Variants in SEMA7A observed in about 807,000 individuals in gnomAD.
SEMA7A encodes the protein semaphorin-7A.
Under a neutral mutation model 67.5 loss-of-function variants are expected in SEMA7A, and 21 were observed. The ratio of observed to expected loss-of-function variants is 0.31; its 90% CI spans 0.22 to 0.45. SEMA7A has a LOEUF of 0.45. Ranked by LOEUF, SEMA7A falls within the 20% of genes least tolerant of loss-of-function variation. The pLI is 1.00. For missense variants in SEMA7A, 774 were observed against 908.6 expected, an observed-to-expected ratio of 0.85 and a Z score of 1.90; for synonymous variants, 364 against 368.5, an observed-to-expected ratio of 0.99 and a Z score of 0.14.
At chr15:74,433,084 G>C (rs1420733996) in intron 1 of SEMA7A, among the ~76,000 whole-genome samples, 3 of 152,166 alleles carry the variant, frequency 2.0e-5, no homozygotes, top group Non-Finnish European at 2.9e-5. Context: ...TGCCACGTGC[G>C]GGCAAGGGGG....
chr15:74,419,067 G>A, intron 1 of SEMA7A, 115 bp from the exon 2 acceptor site: 1 of 1,231,572 alleles, frequency 8.1e-7, no homozygotes, highest in Non-Finnish European at 1.1e-6. Context: ...TCCTGGCAGG[G>A]CGTCAGACAA....
intron 1 of SEMA7A, among the ~76,000 whole-genome samples, chr15:74,421,379 G>A (rs1162589647): frequency 6.6e-6 from 1 of 152,202 alleles, no homozygotes; most frequent in African/African-American, 2.4e-5. Flanking sequence ...TGCAGCACTA[G>A]GGCCCGGACA....
At chr15:74,420,406 C>T (rs992118180) in intron 1 of SEMA7A, among the ~76,000 whole-genome samples, 3 of 152,210 alleles carry the variant, frequency 2.0e-5, no homozygotes, top group Non-Finnish European at 4.4e-5. Context: ...TCCCAGGCTG[C>T]AGTATCAGTT....
intron 1 of SEMA7A, among the ~76,000 whole-genome samples, chr15:74,422,610 G>A (rs2061009361): frequency 6.6e-6 from 1 of 152,230 alleles, no homozygotes; most frequent in African/African-American, 2.4e-5. Context: ...GCTCCGGCCA[G>A]ATAGGAGGGC....
At chr15:74,419,678 A>G (rs2060983377) in intron 1 of SEMA7A, among the ~76,000 whole-genome samples, 1 of 152,138 alleles carries the variant, frequency 6.6e-6, no homozygotes, top group Non-Finnish European at 1.5e-5. Context: ...ACTCCTGCCT[A>G]CCAAGCTGGA....
intron 1 of SEMA7A, among the ~76,000 whole-genome samples, chr15:74,431,440 C>G (rs1264540036): frequency 1.3e-5 from 2 of 152,222 alleles, no homozygotes; most frequent in East Asian, 3.8e-4. Context: ...ACTTGGGGAT[C>G]CAAGCAGCAG....
chr15:74,423,870 C>T lies in SEMA7A; in HGVS notation c.179-4918G>A, dbSNP rs2061020899. On this transcript the variant is annotated intron_variant, in intron 1 of 13. Coordinates refer to ENST00000261918, the MANE Select transcript of SEMA7A (RefSeq NM_003612.5). This position sits in a 1 kb window ranked among gnomAD's most constrained non-coding sequence, Gnocchi z 4.1. ...CCTGGTTTCCAGGGTGGCACCGGCT[C>T]GGTGCTAAGGATAGGTCATGGTTGC... Among the ~76,000 whole-genome samples, 1 of 152,170 alleles carries T rather than the reference C, an allele frequency of 6.6e-6. No individual in the cohort carries two copies. The highest frequency in any genetic ancestry group is 1.5e-5 in the Non-Finnish European group (1 of 68,032).
intron 10 of SEMA7A, among the ~76,000 whole-genome samples, chr15:74,412,293 C>T (rs550723741): frequency 6.6e-6 from 1 of 152,300 alleles, no homozygotes; most frequent in African/African-American, 2.4e-5. Flanking sequence ...GAAGCAGGAG[C>T]CCCACACCAG....
Position 74,423,492 on chromosome 15 carries a change from G to A in SEMA7A, c.179-4540C>T, listed in dbSNP as rs369304645. ...CCATTACCCAGCTGCTTCTCTCCAG[G>A]ATCACATCCTGGGCTTCCTGGAGAG... On this transcript the variant is annotated intron_variant, in intron 1 of 13. Coordinates refer to ENST00000261918, the MANE Select transcript of SEMA7A (RefSeq NM_003612.5). The surrounding 1 kb of genome is among the most constrained non-coding windows in gnomAD (Gnocchi z 4.1). Among the ~76,000 whole-genome samples, 2 of 152,050 alleles carry A rather than the reference G, an allele frequency of 1.3e-5. No individual in the cohort carries two copies. Among genetic ancestry groups the A allele is most frequent in the Admixed American group, 6.5e-5 (1 of 15,272 alleles).
At position 74,414,630 on chromosome 15, in the gene SEMA7A, G is replaced by C. The variant is rs1373075267; in HGVS notation, c.1211C>G (p.Ser404Cys). 6.2e-7 allele frequency: 1 copy of C among 1,614,216 alleles called. No individual in the cohort carries two copies. Among genetic ancestry groups the C allele is most frequent in the South Asian group, 1.1e-5 (1 of 91,086 alleles). Residue 404 changes from serine to cysteine, a missense_variant, in exon 10 of 14, where the codon TCT becomes TGT. By Grantham distance (112) the Ser-to-Cys change is moderately radical. Transcript: ENST00000261918. The surrounding 1 kb of genome is among the most constrained non-coding windows in gnomAD (Gnocchi z 4.1). The part of the protein sequence containing the change: ...MGPLKTPLFH[S>C]KYHYQKVAVH... ...GGCCACTTTCTGGTAGTGGTATTTAGAGTGGAACAATGGCGTCTTCAGAGG... is the reference window on the plus strand; with the variant it reads ...GGCCACTTTCTGGTAGTGGTATTTACAGTGGAACAATGGCGTCTTCAGAGG...
Position 74,411,199 on chromosome 15 carries a change from C to A in SEMA7A, c.1639+96G>T. Reference sequence around the variant, plus strand: ...TCCTGCCCCATGTACCTGGGGCCCACAGGACAAGGCCATGTCTCCCTCAGA... The same window carrying A: ...TCCTGCCCCATGTACCTGGGGCCCAAAGGACAAGGCCATGTCTCCCTCAGA... On this transcript the variant is annotated intron_variant, in intron 13 of 13. Coordinates refer to ENST00000261918, the MANE Select transcript of SEMA7A (RefSeq NM_003612.5). The surrounding 1 kb of genome is among the most constrained non-coding windows in gnomAD (Gnocchi z 4.4). 7.0e-7 allele frequency: 1 copy of A among 1,422,988 alleles called. No homozygotes were observed. The highest frequency in any genetic ancestry group is 9.6e-7 in the Non-Finnish European group (1 of 1,041,176). 88.1% of individuals were successfully genotyped at this position (1,422,988 alleles called of 1,614,324 possible).
intron 1 of SEMA7A, among the ~76,000 whole-genome samples, chr15:74,419,338 C>A (rs188555556): frequency 2.2e-4 from 34 of 152,244 alleles, no homozygotes; most frequent in South Asian, 6.2e-4. Context: ...CTTGGCCATG[C>A]TCTGGGAGGT....
At chr15:74,425,801 C>G (rs891610484) in intron 1 of SEMA7A, among the ~76,000 whole-genome samples, 2 of 152,234 alleles carry the variant, frequency 1.3e-5, no homozygotes, top group African/African-American at 4.8e-5. Context: ...CTACCGTAGA[C>G]AGTCGTCTCC....
At chr15:74,415,743 T>C in intron 8 of SEMA7A, 58 bp downstream of exon 8, 5 of 1,520,796 alleles carry the variant, frequency 3.3e-6, no homozygotes, top group Non-Finnish European at 4.4e-6. Context: ...CAAGGCCTCC[T>C]GTCCCTACTG....
chr15:74,413,096 G>A (rs550586560), intron 10 of SEMA7A, among the ~76,000 whole-genome samples: 42 of 141,822 alleles, frequency 3.0e-4, no homozygotes, highest in African/African-American at 9.9e-4. Context: ...TGCCTGCCTA[G>A]GATGTTTCCT....
chr15:74,414,805 C>G lies in SEMA7A; in HGVS notation c.1095+33G>C, dbSNP rs909982072. Reference sequence around the variant, plus strand: ...GGTGGGAGGTGAGGCAGAAGGAGGGCTGGGCCTGGGCCACGGCTGGTGTCA... The same window carrying G: ...GGTGGGAGGTGAGGCAGAAGGAGGGGTGGGCCTGGGCCACGGCTGGTGTCA... On this transcript the variant is annotated intron_variant, in intron 9 of 13. Transcript: ENST00000261918. This position sits in a 1 kb window ranked among gnomAD's most constrained non-coding sequence, Gnocchi z 4.1. 2 of 1,613,878 alleles carry G rather than the reference C, an allele frequency of 1.2e-6. No individual in the cohort carries two copies. Among genetic ancestry groups the G allele is most frequent in the Non-Finnish European group, 1.7e-6 (2 of 1,179,780 alleles).
At position 74,417,422 on chromosome 15, in the gene SEMA7A, G is replaced by A. The variant is rs996482431; in HGVS notation, c.574C>T (p.Arg192Trp). ...ATCTTCCCATTGTATTCCTGCTTCC[G>A]GATGGTGGAATACACCTCGTCCCCT... ...FEGDEVYSTI[R>W]KQEYNGKIPR... Residue 192 changes from arginine (R) to tryptophan (W), a missense_variant, in exon 6 of 14, where the codon CGG becomes TGG. Physicochemically the swap from Arg to Trp is moderately radical, Grantham distance 101. Transcript: ENST00000261918. 35 of 1,613,826 alleles carry A rather than the reference G, an allele frequency of 2.2e-5. No individual in the cohort carries two copies. The highest frequency in any genetic ancestry group is 4.4e-5 in the South Asian group (4 of 91,090).
intron 1 of SEMA7A, 121 bp from the exon 2 acceptor site, chr15:74,419,073 G>T: frequency 8.7e-7 from 1 of 1,155,064 alleles, no homozygotes; most frequent in Non-Finnish European, 1.2e-6. Context: ...CAGGGCGTCA[G>T]ACAAGCTCTG....
intron 1 of SEMA7A, among the ~76,000 whole-genome samples, chr15:74,421,282 G>A (rs749754529): frequency 6.6e-6 from 1 of 152,170 alleles, no homozygotes; most frequent in Non-Finnish European, 1.5e-5. Context: ...CAGCAAAACT[G>A]TCTTAGCATG....
Sources: gnomAD v4.1 joint callset for allele counts (sites outside exome capture counted in the v4.1 genomes callset) on GRCh38, gnomAD v4.1.1 for gene constraint, Gnocchi (gnomAD v3.1) non-coding constraint, MANE v1.5 for transcripts, NCBI Gene and HGNC (gene_info 2026-07-23, HGNC 2026-07-21) for gene names.